The following NFIB variants were observed in gnomAD, a reference collection of about 807,000 sequenced individuals.
NFIB encodes the protein nuclear factor 1 B-type.
Under a neutral mutation model 61.5 loss-of-function variants are expected in NFIB, and 11 were observed. The ratio of observed to expected loss-of-function variants is 0.18; its 90% CI spans 0.11 to 0.30. The LOEUF (loss-of-function observed/expected upper bound fraction) is 0.30. Ranked by LOEUF, NFIB falls within the 10% of genes least tolerant of loss-of-function variation. The probability of loss-of-function intolerance (pLI) is 1.00; values close to 1 mark genes in which losing one functional copy is unlikely to be tolerated. For synonymous variants in NFIB, 260 were observed against 216.5 expected, an observed-to-expected ratio of 1.20 and a Z score of -1.76; for missense variants, 471 against 608.9, an observed-to-expected ratio of 0.77 and a Z score of 2.38.
At chr9:14,188,480 A>C (rs2047615335) in intron 2 of NFIB, among the ~76,000 whole-genome samples, 1 of 152,226 alleles carries the variant, frequency 6.6e-6, no homozygotes, top group South Asian at 2.1e-4. Flanking sequence ...GAGAGAAATA[A>C]ACTAAAACAT....
chr9:14,257,878 C>G (rs1169493115), intron 2 of NFIB, among the ~76,000 whole-genome samples: 1 of 152,044 alleles, frequency 6.6e-6, no homozygotes, highest in African/African-American at 2.4e-5. Context: ...TGTTATCATG[C>G]TAAAGAAAAA....
chr9:14,155,465 A>G (rs528761756), intron 4 of NFIB, among the ~76,000 whole-genome samples: 1 of 152,206 alleles, frequency 6.6e-6, no homozygotes, highest in Non-Finnish European at 1.5e-5. Context: ...AAAAGCACTT[A>G]TCTACAGGAA....
the NFIB span, among the ~76,000 whole-genome samples, chr9:14,423,480 T>C: frequency 6.6e-6 from 1 of 152,230 alleles, no homozygotes; most frequent in Non-Finnish European, 1.5e-5. Flanking sequence ...TTCCTCTTTT[T>C]TACTTAGCGT....
chr9:14,167,087 G>GT (rs2044912752), intron 3 of NFIB, among the ~76,000 whole-genome samples: 1 of 150,254 alleles, frequency 6.7e-6, no homozygotes, highest in Non-Finnish European at 1.5e-5. Context: ...GTGTGTCGGG[G>GT]GGGGGGGGTT....
At chr9:14,397,232 T>C (rs2061696153) in intron 1 of NFIB, among the ~76,000 whole-genome samples, 1 of 152,216 alleles carries the variant, frequency 6.6e-6, no homozygotes, top group African/African-American at 2.4e-5. Context: ...TGTTCAACTA[T>C]AGGTTGTTTC....
chr9:14,529,452 C>T, the NFIB span, among the ~76,000 whole-genome samples: 912 of 152,170 alleles, frequency 6.0e-3, 4 homozygotes, highest in Non-Finnish European at 9.3e-3. Flanking sequence ...ATCAGTGTCA[C>T]GGTGAGAGAA....
intron 6 of NFIB, among the ~76,000 whole-genome samples, chr9:14,133,126 T>C (rs1236985684): frequency 1.3e-5 from 2 of 152,208 alleles, no homozygotes; most frequent in Non-Finnish European, 2.9e-5. Context: ...TACACCCTCA[T>C]AATTTTCAAA....
the NFIB span, among the ~76,000 whole-genome samples, chr9:14,451,468 G>T: frequency 1.3e-5 from 2 of 151,862 alleles, no homozygotes. Context: ...AAACATTTTC[G>T]TTTGTGTTTC....
intron 2 of NFIB, among the ~76,000 whole-genome samples, chr9:14,225,725 A>C (rs1206464211): frequency 6.6e-6 from 1 of 152,154 alleles, no homozygotes; most frequent in Non-Finnish European, 1.5e-5. Context: ...ACTCTATCAG[A>C]GTATCAGGAT....
chr9:14,114,073 G>A (rs1332104455), intron 9 of NFIB, among the ~76,000 whole-genome samples: 1 of 152,144 alleles, frequency 6.6e-6, no homozygotes, highest in Non-Finnish European at 1.5e-5. Context: ...CCAGATTAAT[G>A]AGGAATCCAG....
chr9:14,143,101 AG>A (rs2041929835), intron 6 of NFIB, among the ~76,000 whole-genome samples: 2 of 152,262 alleles, frequency 1.3e-5, no homozygotes, highest in African/African-American at 4.8e-5. Flanking sequence ...AATTATGGTT[AG>A]TTTTAAAATA....
At chr9:14,375,673 A>G (rs2061410936) in intron 1 of NFIB, among the ~76,000 whole-genome samples, 1 of 151,998 alleles carries the variant, frequency 6.6e-6, no homozygotes, top group Non-Finnish European at 1.5e-5. Context: ...AAAAAAAAAG[A>G]AAAACCTGGG....
intron 1 of NFIB, among the ~76,000 whole-genome samples, chr9:14,310,931 G>A (rs1244948885): frequency 2.0e-5 from 3 of 152,124 alleles, no homozygotes; most frequent in South Asian, 2.1e-4. Flanking sequence ...TGCTCTTGGC[G>A]CATTGCTATA....
chr9:14,412,454 A>G, the NFIB span, among the ~76,000 whole-genome samples: 2 of 152,240 alleles, frequency 1.3e-5, no homozygotes, highest in East Asian at 3.8e-4. Context: ...GAACAAGTTG[A>G]CAGTGTTCAA....
At chr9:14,241,733 G>GT (rs1563936382) in intron 2 of NFIB, among the ~76,000 whole-genome samples, 1 of 152,042 alleles carries the variant, frequency 6.6e-6, no homozygotes, top group Non-Finnish European at 1.5e-5. Flanking sequence ...TGTACCAGAT[G>GT]TTAAAAAAAA....
At chr9:14,375,092 G>C (rs930703576) in intron 1 of NFIB, among the ~76,000 whole-genome samples, 5 of 152,154 alleles carry the variant, frequency 3.3e-5, no homozygotes, top group African/African-American at 1.2e-4. Context: ...TTAACTGGCA[G>C]TAACAGAGAC....
chr9:14,405,929 T>C, the NFIB span, among the ~76,000 whole-genome samples: 1 of 152,220 alleles, frequency 6.6e-6, no homozygotes, highest in Non-Finnish European at 1.5e-5. Flanking sequence ...ATGAAGTTGA[T>C]TGGAAGTAAA....
At chr9:14,439,256 G>A in the NFIB span, among the ~76,000 whole-genome samples, 399 of 152,234 alleles carry the variant, frequency 2.6e-3, 1 homozygote, top group Non-Finnish European at 4.2e-3. Flanking sequence ...TGTAGTCCCA[G>A]ATACTTGGGA....
chr9:14,265,865 T>C (rs1407018793), intron 2 of NFIB, among the ~76,000 whole-genome samples: 2 of 152,150 alleles, frequency 1.3e-5, no homozygotes, highest in African/African-American at 2.4e-5. Context: ...CAGTCTTATG[T>C]TAGGGAAGTA....
Sources: allele counts gnomAD v4.1 joint callset (sites outside exome capture counted in the v4.1 genomes callset), GRCh38; gene constraint gnomAD v4.1.1; transcripts MANE v1.5; gene names NCBI Gene and HGNC (gene_info 2026-07-23, HGNC 2026-07-21).